Variants in IP6K2 observed in about 807,000 individuals in gnomAD.
IP6K2 encodes the protein inositol hexakisphosphate kinase 2, also known as ATP:1D-myo-inositol-hexakisphosphate phosphotransferase.
Under a neutral mutation model 43.3 loss-of-function variants are expected in IP6K2, and 9 were observed. That is an observed-to-expected ratio of 0.21 (90% CI 0.13 to 0.36). IP6K2 has a LOEUF of 0.36. Among genes scored for constraint, IP6K2 ranks in the 10% least tolerant of loss-of-function variants. The pLI is 1.00. For missense variants in IP6K2, 332 were observed against 538.4 expected, an observed-to-expected ratio of 0.62 and a Z score of 3.79; for synonymous variants, 209 against 202.4, an observed-to-expected ratio of 1.03 and a Z score of -0.28.
intron 1 of IP6K2, among the ~76,000 whole-genome samples, chr3:48,713,067 A>C (rs2080748434): frequency 6.6e-6 from 1 of 152,176 alleles, no homozygotes; most frequent in South Asian, 2.1e-4. Flanking sequence ...AGGGCACATA[A>C]AAATCTGAAT....
intron 5 of IP6K2, 25 bp downstream of exon 5, chr3:48,689,513 T>C: frequency 5.6e-6 from 9 of 1,596,208 alleles, no homozygotes; most frequent in Non-Finnish European, 7.7e-6. Context: ...CTGGATGCCC[T>C]AGCCAGCCCT....
At chr3:48,704,862 T>C (rs1480282447) in intron 1 of IP6K2, among the ~76,000 whole-genome samples, 1 of 151,986 alleles carries the variant, frequency 6.6e-6, no homozygotes, top group Non-Finnish European at 1.5e-5. Context: ...AACCTCTGCC[T>C]CCCAGGTTCA....
chr3:48,698,909 A>C (rs879716442), intron 1 of IP6K2, among the ~76,000 whole-genome samples: 1 of 152,210 alleles, frequency 6.6e-6, no homozygotes, highest in African/African-American at 2.4e-5. Context: ...ACTGCACTCC[A>C]GACTGGGTGA....
At chr3:48,697,354 G>C (rs2078492959) in intron 1 of IP6K2, among the ~76,000 whole-genome samples, 1 of 149,824 alleles carries the variant, frequency 6.7e-6, no homozygotes, top group Admixed American at 6.7e-5. Flanking sequence ...TTTTTTTTTA[G>C]ATGGAGTCTT....
At chr3:48,694,079 G>T in intron 2 of IP6K2, 1 of 1,467,252 alleles carries the variant, frequency 6.8e-7, no homozygotes, top group Non-Finnish European at 9.0e-7. Flanking sequence ...AGGGGAATGC[G>T]TGCTCAGAGA....
At chr3:48,707,601 A>C (rs987938819) in intron 1 of IP6K2, among the ~76,000 whole-genome samples, 2 of 151,998 alleles carry the variant, frequency 1.3e-5, no homozygotes, top group Non-Finnish European at 2.9e-5. Flanking sequence ...CGCCCGGCTA[A>C]TTTTTATATA....
rs192499322 is a variant in IP6K2, at chr3:48,713,971, G to C, written c.-131+3186C>G. On this transcript the variant is annotated intron_variant, in intron 1 of 5. Coordinates refer to ENST00000328631, the MANE Select transcript of IP6K2 (RefSeq NM_016291.4). ...GTCTCTACTAAAAATACAAAAATTA[G>C]CCAGGTGCGGTGGCACATGCCTGTA... Among the ~76,000 whole-genome samples the C allele has an allele frequency of 6.1e-3, 924 of 151,912 alleles. 10 individuals carry two copies. Among genetic ancestry groups the C allele is most frequent in the African/African-American group, 0.021 (883 of 41,460 alleles).
rs375042134 is a variant in IP6K2 at position 48,691,416 on chromosome 3, C to T, written c.495G>A (p.Lys165=). The T allele has an allele frequency of 4.3e-6, 7 of 1,613,022 alleles. No individual in the cohort carries two copies. Among genetic ancestry groups the T allele is most frequent in the Non-Finnish European group, 5.1e-6 (6 of 1,179,080 alleles). The part of the protein sequence containing the change: ...KSEVLYYTVE[K]KGNISSQLKH... ...TAAGCTGGGAACTTATATTCCCCTT[C>T]TTCTCTACAGTGTAGTACAAGACTT... is the stretch of plus-strand genomic sequence containing the variant. The change falls in exon 4 of 6, where the codon AAG becomes AAA. Residue 165 remains lysine, a synonymous_variant. Coordinates refer to ENST00000328631, the MANE Select transcript of IP6K2 (RefSeq NM_016291.4).
intron 1 of IP6K2, among the ~76,000 whole-genome samples, chr3:48,697,252 C>T (rs928996868): frequency 6.6e-6 from 1 of 151,920 alleles, no homozygotes; most frequent in Non-Finnish European, 1.5e-5. Flanking sequence ...GATCTCCTGA[C>T]CTCGTGATCC....
At chr3:48,704,491 G>A (rs1293749654) in intron 1 of IP6K2, among the ~76,000 whole-genome samples, 2 of 106,588 alleles carry the variant, frequency 1.9e-5, no homozygotes, top group East Asian at 5.2e-4. Context: ...TTTTTTTTTT[G>A]AGACAGGGTC....
At chr3:48,697,314 C>T (rs181432843) in intron 1 of IP6K2, among the ~76,000 whole-genome samples, 38 of 151,452 alleles carry the variant, frequency 2.5e-4, no homozygotes, top group African/African-American at 6.5e-4. Flanking sequence ...CCACCGCGCC[C>T]GGCCAGTTGT....
At chr3:48,712,239 A>C (rs1455121624) in intron 1 of IP6K2, among the ~76,000 whole-genome samples, 2 of 151,444 alleles carry the variant, frequency 1.3e-5, no homozygotes, top group Non-Finnish European at 2.9e-5. Flanking sequence ...CTACAAAAAA[A>C]AAATTTTTTT....
At chr3:48,705,502 G>C (rs536467017) in intron 1 of IP6K2, among the ~76,000 whole-genome samples, 1 of 151,942 alleles carries the variant, frequency 6.6e-6, no homozygotes, top group South Asian at 2.1e-4. Context: ...GCTGCACAGT[G>C]ACAGCCAGTC....
chr3:48,702,912 C>T (rs183005321), intron 1 of IP6K2, among the ~76,000 whole-genome samples: 166 of 152,262 alleles, frequency 1.1e-3, no homozygotes, highest in Non-Finnish European at 1.6e-3. Flanking sequence ...GAATACCTAA[C>T]GCATACAGAT....
chr3:48,696,695 G>C (rs2106849542), intron 1 of IP6K2, among the ~76,000 whole-genome samples: 1 of 152,342 alleles, frequency 6.6e-6, no homozygotes, highest in Non-Finnish European at 1.5e-5. Context: ...TATCTGTACA[G>C]GGATTTTACT....
chr3:48,694,012 TCCTCC>T, intron 2 of IP6K2: 1 of 1,403,410 alleles, frequency 7.1e-7, no homozygotes, highest in Non-Finnish European at 9.3e-7. Context: ...TGAACACCTT[TCCTCC>T]CAGGCCTCTC....
Position 48,688,703 on chromosome 3 carries a change from C to T in IP6K2, c.851G>A (p.Gly284Asp). Reference protein sequence around the residue: ...KYHGRKLSVQGFKEALFQFFH... With the variant: ...KYHGRKLSVQDFKEALFQFFH... ...GAACTGGAAAAGTGCCTCCTTGAAG[C>T]CCTGCACCGATAGCTTCCGTCCATG... The change falls in exon 6 of 6, where the codon GGC becomes GAC. Residue 284 changes from glycine (G) to aspartate (D), a missense_variant. Gly to Asp is a moderately conservative substitution (Grantham distance 94, BLOSUM62 -1). Transcript: ENST00000328631. This position sits in a 1 kb window ranked among gnomAD's most constrained non-coding sequence, Gnocchi z 5.1. 1 of 1,614,206 alleles carries T rather than the reference C, an allele frequency of 6.2e-7. No homozygotes were observed.
Position 48,695,879 on chromosome 3 carries a change from T to G in IP6K2, c.-130-458A>C, listed in dbSNP as rs2106839724. On this transcript the variant is annotated intron_variant, in intron 1 of 5. Transcript: ENST00000328631. This position sits in a 1 kb window ranked among gnomAD's most constrained non-coding sequence, Gnocchi z 4.6. ...TATAAAATAAATATATATATATAAT[T>G]TTTTAATATATATAATTTTTTTTTG... is the stretch of plus-strand genomic sequence containing the variant. Among the ~76,000 whole-genome samples, 1 of 147,652 alleles carries G rather than the reference T, an allele frequency of 6.8e-6. No homozygotes were observed. The highest frequency in any genetic ancestry group is 2.0e-4 in the East Asian group (1 of 5,124).
intron 2 of IP6K2, chr3:48,693,588 GCAGAGC>G: frequency 1.7e-6 from 2 of 1,174,852 alleles, no homozygotes; most frequent in Non-Finnish European, 2.1e-6. Flanking sequence ...TTGCTTTAAA[GCAGAGC>G]CTGAATACAG....
Sources: allele counts gnomAD v4.1 joint callset (sites outside exome capture counted in the v4.1 genomes callset), GRCh38; gene constraint gnomAD v4.1.1; non-coding constraint Gnocchi (gnomAD v3.1); transcripts MANE v1.5; gene names NCBI Gene and HGNC (gene_info 2026-07-23, HGNC 2026-07-21).